The following STAT1 variants were observed in gnomAD, a reference collection of about 807,000 sequenced individuals.
STAT1 encodes the protein signal transducer and activator of transcription 1-alpha/beta.
STAT1 carries 24 observed loss-of-function variants against 111.7 expected under a neutral mutation model. The ratio of observed to expected loss-of-function variants is 0.21; its 90% CI spans 0.16 to 0.30. The LOEUF (loss-of-function observed/expected upper bound fraction) is 0.30, where lower values mean the gene tolerates loss of function less well. STAT1 is among the 10% of genes least tolerant of loss of function. STAT1 has a pLI of 1.00. For missense variants in STAT1, 351 were observed against 911.9 expected (o/e 0.38, Z 7.92); for synonymous variants, 332 against 326.5 (o/e 1.02, Z -0.18).
chr2:190,982,310 G>C lies in STAT1; in HGVS notation c.1582+73C>G. On this transcript the variant is annotated intron_variant, in intron 18 of 24. Transcript: ENST00000361099. This position sits in a 1 kb window ranked among gnomAD's most constrained non-coding sequence, Gnocchi z 7.3. ...TTTACCTTTAACAAAATAGCAGAGGGGAAAAGAGCAATTAGAGAGATATTT... is the reference window on the plus strand; with the variant it reads ...TTTACCTTTAACAAAATAGCAGAGGCGAAAAGAGCAATTAGAGAGATATTT... 1.3e-6 allele frequency: 2 copies of C among 1,566,660 alleles called. No homozygotes were observed. Among genetic ancestry groups the C allele is most frequent in the Non-Finnish European group, 1.8e-6 (2 of 1,138,414 alleles).
At position 190,982,372 on chromosome 2, in the gene STAT1, T is replaced by TAA; in HGVS notation, c.1582+10_1582+11insTT. ...AATTTTTATAAACATAACAAGTTAA[T>TAA]ATGCATATACCAAGAAGCTTCTCTC... On this transcript the variant is annotated intron_variant, in intron 18 of 24. Coordinates refer to ENST00000361099, the MANE Select transcript of STAT1 (RefSeq NM_007315.4). The surrounding 1 kb of genome is among the most constrained non-coding windows in gnomAD (Gnocchi z 7.3). 1 of 1,614,040 alleles carries TAA rather than the reference T, an allele frequency of 6.2e-7. No homozygotes were observed. Among genetic ancestry groups the TAA allele is most frequent in the Non-Finnish European group, 8.5e-7 (1 of 1,179,908 alleles).
chr2:190,989,609 T>G lies in STAT1; in HGVS notation c.1097+6A>C. 1 of 1,486,128 alleles carries G rather than the reference T, an allele frequency of 6.7e-7. No homozygotes were observed. Among genetic ancestry groups the G allele is most frequent in the Non-Finnish European group, 9.3e-7 (1 of 1,074,064 alleles). 92.1% of individuals were successfully genotyped at this position (1,486,128 alleles called of 1,614,324 possible). ...TGTATGTTATATAATGTTAAAGATA[T>G]CTTACTTATCAAATAAGACTTTGAC... On this transcript the variant is annotated splice_donor_region_variant and intron_variant, in intron 12 of 24. Coordinates refer to ENST00000361099, the MANE Select transcript of STAT1 (RefSeq NM_007315.4). This position sits in a 1 kb window ranked among gnomAD's most constrained non-coding sequence, Gnocchi z 5.0.
At position 190,995,938 on chromosome 2, in the gene STAT1, TC is replaced by T. The variant is rs1693819935; in HGVS notation, c.786-720del. Among the ~76,000 whole-genome samples, 2 of 151,944 alleles carry T rather than the reference TC, an allele frequency of 1.3e-5. No individual in the cohort carries two copies. Among genetic ancestry groups the T allele is most frequent in the Non-Finnish European group, 1.5e-5 (1 of 67,980 alleles). The stretch of plus-strand genomic sequence containing the variant: ...CAGGGAAAACAGCAAAGCAGGTGCT[TC>T]CAGGTGATGCAAGAGGCAGCAAAGA... On this transcript the variant is annotated intron_variant, in intron 9 of 24. Transcript: ENST00000361099. The surrounding 1 kb of genome is among the most constrained non-coding windows in gnomAD (Gnocchi z 4.2).
chr2:191,001,956 A>C (rs1389441249), intron 5 of STAT1, among the ~76,000 whole-genome samples: 4 of 152,192 alleles, frequency 2.6e-5, no homozygotes, highest in Admixed American at 6.5e-5. Context: ...CCCACACAGC[A>C]AAAACTGTGC....
Position 190,987,418 on chromosome 2 carries a change from A to G in STAT1, c.1098-350T>C, listed in dbSNP as rs1473127338. On this transcript the variant is annotated intron_variant, in intron 12 of 24. Transcript: ENST00000361099. The surrounding 1 kb of genome is among the most constrained non-coding windows in gnomAD (Gnocchi z 4.0). ...AAGCACCAGCACCAGTACACCCTCA[A>G]TAAATGTTTAAGCTATCGTTATTGT... is the stretch of plus-strand genomic sequence containing the variant. Among the ~76,000 whole-genome samples the G allele has an allele frequency of 3.3e-5, 5 of 152,332 alleles. No homozygotes were observed. In the East Asian group the frequency reaches 9.6e-4, roughly 29 times the overall value.
Position 190,987,931 on chromosome 2 carries a change from G to C in STAT1, c.1098-863C>G, listed in dbSNP as rs553285325. 6.6e-6 allele frequency among the ~76,000 whole-genome samples: 1 copy of C among 152,330 alleles called. No individual in the cohort carries two copies. Among genetic ancestry groups the C allele is most frequent in the African/African-American group, 2.4e-5 (1 of 41,574 alleles). On this transcript the variant is annotated intron_variant, in intron 12 of 24. Coordinates refer to ENST00000361099, the MANE Select transcript of STAT1 (RefSeq NM_007315.4). The surrounding 1 kb of genome is among the most constrained non-coding windows in gnomAD (Gnocchi z 4.0). Reference sequence around the variant, plus strand: ...ATAAAAGCTGACTTGTCAAAGCTAAGAAGACCGTCAGAGCTGGAACCGACA... The same window carrying C: ...ATAAAAGCTGACTTGTCAAAGCTAACAAGACCGTCAGAGCTGGAACCGACA...
At chr2:190,994,914 C>CAAAAA (rs1220419590) in intron 10 of STAT1, 147 bp downstream of exon 10, 3 of 97,304 alleles carry the variant, frequency 3.1e-5, no homozygotes, top group African/African-American at 5.0e-5. Context: ...GACTCTATCT[C>CAAAAA]AAAAAAAAAA....
chr2:190,983,013 G>A lies in STAT1; in HGVS notation c.1447-495C>T, dbSNP rs894089649. Among the ~76,000 whole-genome samples the A allele has an allele frequency of 6.6e-5, 10 of 152,328 alleles. No homozygotes were observed. The highest frequency in any genetic ancestry group is 1.3e-4 in the Non-Finnish European group (9 of 68,026). ...GGTCTACTGTTCCTAAGCATGGGAA[G>A]GCTGGGATGTGCCTTATGGAGAAAA... On this transcript the variant is annotated intron_variant, in intron 17 of 24. Transcript: ENST00000361099. This position sits in a 1 kb window ranked among gnomAD's most constrained non-coding sequence, Gnocchi z 5.7.
At position 190,987,933 on chromosome 2, in the gene STAT1, A is replaced by G. The variant is rs1039448537; in HGVS notation, c.1098-865T>C. ...AAAAGCTGACTTGTCAAAGCTAAGA[A>G]GACCGTCAGAGCTGGAACCGACAGA... On this transcript the variant is annotated intron_variant, in intron 12 of 24. Coordinates refer to ENST00000361099, the MANE Select transcript of STAT1 (RefSeq NM_007315.4). The surrounding 1 kb of genome is among the most constrained non-coding windows in gnomAD (Gnocchi z 4.0). 3.9e-5 allele frequency among the ~76,000 whole-genome samples: 6 copies of G among 152,246 alleles called. No individual in the cohort carries two copies. Among genetic ancestry groups the G allele is most frequent in the Admixed American group, 1.3e-4 (2 of 15,286 alleles).
At chr2:190,991,180 C>G (rs41497448) in intron 11 of STAT1, 48 bp downstream of exon 11, 1 of 1,583,410 alleles carries the variant, frequency 6.3e-7, no homozygotes, top group Admixed American at 1.7e-5. Flanking sequence ...ACTAGGGGTA[C>G]AAACTACGTG....
In STAT1 at chr2:190,984,284, C is replaced by A; in HGVS notation, c.1347+26G>T. On this transcript the variant is annotated intron_variant, in intron 16 of 24. Coordinates refer to ENST00000361099, the MANE Select transcript of STAT1 (RefSeq NM_007315.4). This position sits in a 1 kb window ranked among gnomAD's most constrained non-coding sequence, Gnocchi z 5.2. ...TTAAAAGTAAAAATAATGAAGTTTT[C>A]CAACTCGGGACCATAAAAGTCTTAC... is the stretch of plus-strand genomic sequence containing the variant. The A allele has an allele frequency of 6.3e-7, 1 of 1,576,844 alleles. No homozygotes were observed. Among genetic ancestry groups the A allele is most frequent in the South Asian group, 1.1e-5 (1 of 90,164 alleles).
At position 190,993,849 on chromosome 2, in the gene STAT1, CTACTAAGTG is replaced by C. The variant is rs1693594257; in HGVS notation, c.944+1203_944+1211del. 2.6e-5 allele frequency among the ~76,000 whole-genome samples: 4 copies of C among 151,922 alleles called. No individual in the cohort carries two copies. In the South Asian group the frequency reaches 8.3e-4, roughly 32 times the overall value. ...TTTCCACTCAGTGACATTTATCTAT[CTACTAAGTG>C]TGTCTAGAGAGCCTACTGTTCACAA... On this transcript the variant is annotated intron_variant, in intron 10 of 24. Coordinates refer to ENST00000361099, the MANE Select transcript of STAT1 (RefSeq NM_007315.4). This position sits in a 1 kb window ranked among gnomAD's most constrained non-coding sequence, Gnocchi z 4.1.
Position 191,008,810 on chromosome 2 carries a change from T to C in STAT1, c.273+153A>G, listed in dbSNP as rs562036815. Among the ~76,000 whole-genome samples, 140 of 152,350 alleles carry C rather than the reference T, an allele frequency of 9.2e-4. 3 individuals are homozygous for C. Among genetic ancestry groups the C allele is most frequent in the Middle Eastern group, 3.4e-3 (1 of 294 alleles). ...GGTATCTTATTTTACTTATGCTATA[T>C]TTACTGATGCTGTAGAAAACATAAA... On this transcript the variant is annotated intron_variant, in intron 4 of 24. Transcript: ENST00000361099.
chr2:190,981,728 G>A lies in STAT1; in HGVS notation c.1582+655C>T, dbSNP rs757829324. Among the ~76,000 whole-genome samples, 2 of 152,176 alleles carry A rather than the reference G, an allele frequency of 1.3e-5. No individual in the cohort carries two copies. Among genetic ancestry groups the A allele is most frequent in the East Asian group, 1.9e-4 (1 of 5,204 alleles). On this transcript the variant is annotated intron_variant, in intron 18 of 24. Coordinates refer to ENST00000361099, the MANE Select transcript of STAT1 (RefSeq NM_007315.4). This position sits in a 1 kb window ranked among gnomAD's most constrained non-coding sequence, Gnocchi z 4.1. ...GCAAATCTGGATACAAGTTGTCCAC[G>A]GATTTTTAAAGAAATAGTTCAGATA...
In STAT1 at chr2:190,976,223, T is replaced by C. The variant is rs1421894952; in HGVS notation, c.2060-336A>G. 2.0e-5 allele frequency among the ~76,000 whole-genome samples: 3 copies of C among 152,238 alleles called. No individual in the cohort carries two copies. Among genetic ancestry groups the C allele is most frequent in the South Asian group, 2.1e-4 (1 of 4,828 alleles). ...AGTTTATTGGCATTAGCCTGGCTAA[T>C]GAATATTCACAGCTGTCAAGGTAAG... is the stretch of plus-strand genomic sequence containing the variant. On this transcript the variant is annotated intron_variant, in intron 22 of 24. Transcript: ENST00000361099. This position sits in a 1 kb window ranked among gnomAD's most constrained non-coding sequence, Gnocchi z 6.0.
intron 5 of STAT1, 131 bp from the exon 6 acceptor site, chr2:191,001,294 G>A (rs1374979750): frequency 1.4e-6 from 1 of 737,626 alleles, no homozygotes; most frequent in African/African-American, 1.8e-5. Flanking sequence ...CTGCTTATGT[G>A]TCAATATGAA....
rs1467421608 is a variant in STAT1 at position 190,983,910 on chromosome 2, G to A, written c.1348-170C>T. Among the ~76,000 whole-genome samples, 2 of 152,136 alleles carry A rather than the reference G, an allele frequency of 1.3e-5. No homozygotes were observed. The highest frequency in any genetic ancestry group is 2.9e-5 in the Non-Finnish European group (2 of 68,038). The stretch of plus-strand genomic sequence containing the variant: ...CTTCTGTCCAGTTTAACTTGTCTTT[G>A]ATGTATCTTTCAGTTAAGAAATAAG... On this transcript the variant is annotated intron_variant, in intron 16 of 24. Transcript: ENST00000361099. The surrounding 1 kb of genome is among the most constrained non-coding windows in gnomAD (Gnocchi z 5.7).
chr2:190,979,098 A>T lies in STAT1; in HGVS notation c.1728-97T>A. 6.6e-7 allele frequency: 1 copy of T among 1,507,084 alleles called. No individual in the cohort carries two copies. 93.4% of individuals were successfully genotyped at this position (1,507,084 alleles called of 1,614,324 possible). A position where few individuals can be genotyped will look rare whatever the true frequency, so the allele number is the denominator to read the frequency against. On this transcript the variant is annotated intron_variant, in intron 20 of 24. Coordinates refer to ENST00000361099, the MANE Select transcript of STAT1 (RefSeq NM_007315.4). The surrounding 1 kb of genome is among the most constrained non-coding windows in gnomAD (Gnocchi z 5.8). ...ACCAAGAAAATGGCTGGAATGTGAG[A>T]AAAAAAACCTACGGTAAAAAACGTA...
Position 190,983,776 on chromosome 2 carries a change from C to T in STAT1, c.1348-36G>A, listed in dbSNP as rs1225028133. 3.8e-6 allele frequency: 6 copies of T among 1,563,642 alleles called. No homozygotes were observed. Among genetic ancestry groups the T allele is most frequent in the Admixed American group, 3.3e-5 (2 of 59,944 alleles). ...ACAAAGACCTTGAAATCATCTGAAT[C>T]ACAGAAATGTCACCTTCAGATAACT... is the stretch of plus-strand genomic sequence containing the variant. On this transcript the variant is annotated intron_variant, in intron 16 of 24. Coordinates refer to ENST00000361099, the MANE Select transcript of STAT1 (RefSeq NM_007315.4). This position sits in a 1 kb window ranked among gnomAD's most constrained non-coding sequence, Gnocchi z 5.7.
Sources: allele counts gnomAD v4.1 joint callset (sites outside exome capture counted in the v4.1 genomes callset), GRCh38; gene constraint gnomAD v4.1.1; non-coding constraint Gnocchi (gnomAD v3.1); transcripts MANE v1.5; gene names NCBI Gene and HGNC (gene_info 2026-07-23, HGNC 2026-07-21).